GALNT17: variants seen among roughly 807,000 people sequenced by gnomAD.
GALNT17 encodes the protein polypeptide N-acetylgalactosaminyltransferase 17, also known as UDP-GalNAc:polypeptide N-acetylgalactosaminyltransferase-like 3.
In GALNT17, 29 loss-of-function variants were observed where a neutral mutation model predicts 63.7. That is an observed-to-expected ratio of 0.46 (90% CI 0.34 to 0.62). GALNT17 has a LOEUF of 0.62. Ranked by LOEUF, GALNT17 falls within the 20% of genes least tolerant of loss-of-function variation. The pLI, the probability that GALNT17 is intolerant of heterozygous loss-of-function variation, is 0.01. For missense variants in GALNT17, 603 were observed against 799.6 expected (o/e 0.75, Z 2.97); for synonymous variants, 305 against 318.3 (o/e 0.96, Z 0.45).
chr7:71,661,039 A>G (rs1171713487), intron 6 of GALNT17, among the ~76,000 whole-genome samples: 5 of 152,210 alleles, frequency 3.3e-5, no homozygotes, highest in Non-Finnish European at 7.3e-5. Flanking sequence ...CTGCAGATCC[A>G]TGGAGCTTCC....
chr7:71,378,299 G>A (rs991311920), intron 2 of GALNT17, among the ~76,000 whole-genome samples: 2 of 152,134 alleles, frequency 1.3e-5, no homozygotes, highest in Admixed American at 6.6e-5. Flanking sequence ...CTCCAAAAGC[G>A]GGGCCTCGCA....
At chr7:71,470,212 AAAC>A (rs746376968) in intron 5 of GALNT17, among the ~76,000 whole-genome samples, 13 of 152,180 alleles carry the variant, frequency 8.5e-5, no homozygotes, top group African/African-American at 1.4e-4. Flanking sequence ...CCCTCTCAAA[AAAC>A]AACAACAACA....
chr7:71,685,077 G>A (rs1343655447), intron 9 of GALNT17, among the ~76,000 whole-genome samples: 1 of 152,212 alleles, frequency 6.6e-6, no homozygotes, highest in African/African-American at 2.4e-5. Context: ...ACTCTGATCT[G>A]CATCTGGTGA....
At chr7:71,596,577 T>G (rs183550422) in intron 6 of GALNT17, among the ~76,000 whole-genome samples, 2 of 151,886 alleles carry the variant, frequency 1.3e-5, no homozygotes, top group Non-Finnish European at 2.9e-5. Context: ...GTTTCTTCAG[T>G]TTGAGTTTGC....
At chr7:71,375,785 A>T (rs1792710532) in intron 2 of GALNT17, among the ~76,000 whole-genome samples, 3 of 152,220 alleles carry the variant, frequency 2.0e-5, no homozygotes, top group Admixed American at 1.3e-4. Context: ...CTGTAATCCC[A>T]GCCAAAAATC....
chr7:71,652,067 CA>C (rs775564667), intron 6 of GALNT17, among the ~76,000 whole-genome samples: 174 of 152,158 alleles, frequency 1.1e-3, no homozygotes, highest in South Asian at 4.2e-3. Context: ...GTAACAGCAA[CA>C]AAAATCAAAA....
chr7:71,430,448 C>G (rs1786840988), intron 5 of GALNT17, among the ~76,000 whole-genome samples: 1 of 152,120 alleles, frequency 6.6e-6, no homozygotes, highest in Non-Finnish European at 1.5e-5. Context: ...GGGAAGGTTC[C>G]AAAATGCCAC....
intron 1 of GALNT17, among the ~76,000 whole-genome samples, chr7:71,140,175 T>A (rs1391165081): frequency 6.6e-6 from 1 of 151,622 alleles, no homozygotes; most frequent in Non-Finnish European, 1.5e-5. Context: ...AGAGGGCACA[T>A]GTGCATATTA....
At chr7:71,656,527 G>A (rs1790830769) in intron 6 of GALNT17, among the ~76,000 whole-genome samples, 1 of 151,886 alleles carries the variant, frequency 6.6e-6, no homozygotes. Flanking sequence ...AGCCATCGAA[G>A]TTTGCAGGGC....
chr7:71,555,510 C>T (rs924609978), intron 5 of GALNT17, among the ~76,000 whole-genome samples: 1 of 151,020 alleles, frequency 6.6e-6, no homozygotes, highest in Non-Finnish European at 1.5e-5. Flanking sequence ...CCCTCATGAC[C>T]CAAACAGGTC....
chr7:71,690,091 C>T (rs1277263130), intron 9 of GALNT17, among the ~76,000 whole-genome samples: 2 of 149,634 alleles, frequency 1.3e-5, no homozygotes, highest in Non-Finnish European at 3.0e-5. Context: ...GTGGCGCAAT[C>T]TCGGCTCACT....
In GALNT17 at chr7:71,193,454, C is replaced by CTTTT. The variant is rs1159902249; in HGVS notation, c.238+60431_238+60434dup. Among the ~76,000 whole-genome samples, 167 of 107,288 alleles carry CTTTT rather than the reference C, an allele frequency of 1.6e-3. 1 individual carries two copies. In the East Asian group the frequency reaches 0.017, roughly 11 times the overall value. 70.4% of individuals were successfully genotyped at this position (107,288 alleles called of 152,430 possible). A position where few individuals can be genotyped will look rare whatever the true frequency, so the allele number is the denominator to read the frequency against. ...AGATTTTACACTGATACGCTTTTGT[C>CTTTT]TTTTTTTTTTTTTTTTTTTTGGTGT... On this transcript the variant is annotated intron_variant, in intron 1 of 10. Coordinates refer to ENST00000333538, the MANE Select transcript of GALNT17 (RefSeq NM_022479.3).
At chr7:71,486,795 C>T (rs190089693) in intron 5 of GALNT17, among the ~76,000 whole-genome samples, 3 of 150,420 alleles carry the variant, frequency 2.0e-5, no homozygotes, top group East Asian at 3.9e-4. Context: ...CCCAGGAGGT[C>T]GAGGCTGCAG....
intron 1 of GALNT17, among the ~76,000 whole-genome samples, chr7:71,134,020 C>G (rs1426106084): frequency 1.3e-5 from 2 of 152,308 alleles, no homozygotes; most frequent in East Asian, 3.9e-4. Context: ...GTGCCAGATG[C>G]GTGCAAAGAC....
chr7:71,234,078 T>C (rs1017158542), intron 1 of GALNT17, among the ~76,000 whole-genome samples: 2 of 152,082 alleles, frequency 1.3e-5, no homozygotes, highest in African/African-American at 4.8e-5. Flanking sequence ...ATACTGGAGA[T>C]TACAACTTGA....
intron 6 of GALNT17, among the ~76,000 whole-genome samples, chr7:71,638,198 G>A (rs1217005767): frequency 6.6e-6 from 1 of 152,162 alleles, no homozygotes; most frequent in African/African-American, 2.4e-5. Flanking sequence ...AGTGAGCCTT[G>A]AGGAAGACCA....
At chr7:71,287,614 G>T (rs1790898731) in intron 1 of GALNT17, among the ~76,000 whole-genome samples, 1 of 152,074 alleles carries the variant, frequency 6.6e-6, no homozygotes, top group East Asian at 1.9e-4. Context: ...TCCTCCAAAA[G>T]GTAACTACTA....
At chr7:71,311,182 C>T (rs538820432) in intron 1 of GALNT17, among the ~76,000 whole-genome samples, 1 of 152,276 alleles carries the variant, frequency 6.6e-6, no homozygotes, top group South Asian at 2.1e-4. Context: ...GACCAGTTAA[C>T]CCTACGTTTT....
intron 7 of GALNT17, 118 bp downstream of exon 7, chr7:71,665,714 T>G (rs1052813900): frequency 2.5e-6 from 3 of 1,186,106 alleles, no homozygotes; most frequent in Non-Finnish European, 3.5e-6. Context: ...AGAAAAATTA[T>G]GAATGCATTT....
Sources: allele counts gnomAD v4.1 joint callset (sites outside exome capture counted in the v4.1 genomes callset), GRCh38; gene constraint gnomAD v4.1.1; transcripts MANE v1.5; gene names NCBI Gene and HGNC (gene_info 2026-07-23, HGNC 2026-07-21).